GNG4: variants seen among roughly 807,000 people sequenced by gnomAD.
The protein encoded by GNG4 is guanine nucleotide-binding protein G(I)/G(S)/G(O) subunit gamma-4.
Under a neutral mutation model 5.8 loss-of-function variants are expected in GNG4, and 4 were observed. The observed-to-expected ratio is 0.69, with a 90% CI of 0.34 to 1.57. The LOEUF (loss-of-function observed/expected upper bound fraction) is 1.57. Among genes scored for constraint, GNG4 ranks in the 40% most tolerant of loss-of-function variants. The pLI is 0.06. For missense variants in GNG4, 96 were observed against 95.1 expected, an observed-to-expected ratio of 1.01 and a Z score of -0.04; for synonymous variants, 29 against 32.9, an observed-to-expected ratio of 0.88 and a Z score of 0.41.
At chr1:235,626,997 A>AAAAAAAG (rs1688829821) in intron 1 of GNG4, among the ~76,000 whole-genome samples, 3 of 135,534 alleles carry the variant, frequency 2.2e-5, no homozygotes, top group Admixed American at 7.5e-5. Context: ...AAAAAAAAAA[A>AAAAAAAG]AAGAACTTAG....
intron 1 of GNG4, among the ~76,000 whole-genome samples, chr1:235,619,722 CTGTTT>C (rs1688668403): frequency 6.6e-6 from 1 of 152,146 alleles, no homozygotes; most frequent in Non-Finnish European, 1.5e-5. Context: ...TTCATCTTTT[CTGTTT>C]TATTTTTCTA....
intron 1 of GNG4, among the ~76,000 whole-genome samples, chr1:235,634,193 C>T (rs1027064454): frequency 6.6e-6 from 1 of 152,190 alleles, no homozygotes; most frequent in Non-Finnish European, 1.5e-5. Context: ...AGTCAATGCC[C>T]TTGTGTCACG....
intron 1 of GNG4, among the ~76,000 whole-genome samples, chr1:235,622,048 G>T (rs7534170): frequency 0.036 from 5,420 of 152,208 alleles, 310 homozygotes; most frequent in African/African-American, 0.12. Context: ...AACTTATGTG[G>T]ACTGTAAATG....
intron 1 of GNG4, chr1:235,615,426 A>G (rs943594561): frequency 6.5e-6 from 1 of 154,910 alleles, no homozygotes; most frequent in Non-Finnish European, 1.5e-5. Context: ...GATCTCCTCT[A>G]TGTGACTGTC....
At chr1:235,620,463 G>T (rs991899685) in intron 1 of GNG4, among the ~76,000 whole-genome samples, 2 of 152,262 alleles carry the variant, frequency 1.3e-5, no homozygotes, top group Admixed American at 6.5e-5. Context: ...TCTCCTGACT[G>T]TAAGTTGCCG....
At position 235,619,931 on chromosome 1, in the gene GNG4, A is replaced by G. The variant is rs149774036; in HGVS notation, c.-122-24420T>C. Reference sequence around the variant, plus strand: ...GTTAGAGTTAGCAGGTTTCTTGTTTAGGAGAGGAGCTCAAAAATATAACCT... The same window carrying G: ...GTTAGAGTTAGCAGGTTTCTTGTTTGGGAGAGGAGCTCAAAAATATAACCT... On this transcript the variant is annotated intron_variant, in intron 1 of 3. Coordinates refer to ENST00000391854, the MANE Select transcript of GNG4 (RefSeq NM_001098722.2). Among the ~76,000 whole-genome samples the G allele has an allele frequency of 5.8e-4, 88 of 152,356 alleles. 2 individuals are homozygous for G. In the East Asian group the frequency reaches 0.015, roughly 26 times the overall value.
intron 3 of GNG4, among the ~76,000 whole-genome samples, chr1:235,554,271 A>C (rs1686835057): frequency 6.6e-6 from 1 of 152,040 alleles, no homozygotes. Flanking sequence ...TGGAGTGATG[A>C]CCTCCTTAGT....
At position 235,642,929 on chromosome 1, in the gene GNG4, A is replaced by G. The variant is rs1205872732; in HGVS notation, c.-123+6733T>C. On this transcript the variant is annotated intron_variant, in intron 1 of 3. Transcript: ENST00000391854. The surrounding 1 kb of genome is among the most constrained non-coding windows in gnomAD (Gnocchi z 4.3). ...AGCTTCATTCACAAAACCAGGTCAC[A>G]TTACCCCTCGTCCATCCATGCTCAG... is the stretch of plus-strand genomic sequence containing the variant. Among the ~76,000 whole-genome samples the G allele has an allele frequency of 6.6e-6, 1 of 151,912 alleles. No individual in the cohort carries two copies. Among genetic ancestry groups the G allele is most frequent in the African/African-American group, 2.4e-5 (1 of 41,344 alleles).
At chr1:235,609,283 G>A (rs1387389082) in intron 1 of GNG4, among the ~76,000 whole-genome samples, 2 of 152,146 alleles carry the variant, frequency 1.3e-5, no homozygotes, top group Non-Finnish European at 2.9e-5. Context: ...CATTTGGGCT[G>A]TTTCCATCTT....
intron 3 of GNG4, among the ~76,000 whole-genome samples, chr1:235,578,892 G>C (rs2102936844): frequency 6.6e-6 from 1 of 152,270 alleles, no homozygotes; most frequent in African/African-American, 2.4e-5. Context: ...GAGACCAGGA[G>C]TTTGAGACCA....
chr1:235,576,437 G>T (rs1687486887), intron 3 of GNG4, among the ~76,000 whole-genome samples: 1 of 152,112 alleles, frequency 6.6e-6, no homozygotes. Context: ...GGCTATGATG[G>T]TATTCTTTCC....
chr1:235,563,749 T>C lies in GNG4; in HGVS notation c.100-11512A>G, dbSNP rs572963974. Among the ~76,000 whole-genome samples the C allele has an allele frequency of 3.3e-4, 51 of 152,352 alleles. 1 individual carries two copies. The highest frequency in any genetic ancestry group is 3.4e-3 in the Middle Eastern group (1 of 294). ...CACACATGTGCCAGACTTTGGTGAA[T>C]GATCTGAGGGAAAAGACATTAGGAG... On this transcript the variant is annotated intron_variant, in intron 3 of 3. Transcript: ENST00000391854.
chr1:235,554,907 G>C (rs1686858559), intron 3 of GNG4, among the ~76,000 whole-genome samples: 1 of 149,424 alleles, frequency 6.7e-6, no homozygotes, highest in African/African-American at 2.5e-5. Flanking sequence ...CAGTTTTCTA[G>C]TTTTCACTTT....
chr1:235,559,427 CT>C (rs912678864), intron 3 of GNG4, among the ~76,000 whole-genome samples: 9 of 149,938 alleles, frequency 6.0e-5, no homozygotes, highest in Middle Eastern at 3.5e-3. Flanking sequence ...AACTCTTGTG[CT>C]TTTTTTTTTC....
At chr1:235,630,696 T>C (rs1688914215) in intron 1 of GNG4, among the ~76,000 whole-genome samples, 1 of 152,142 alleles carries the variant, frequency 6.6e-6, no homozygotes, top group African/African-American at 2.4e-5. Flanking sequence ...GCATGGCCTG[T>C]AGACTTGAGG....
chr1:235,631,018 C>T (rs889808343), intron 1 of GNG4, among the ~76,000 whole-genome samples: 5 of 152,036 alleles, frequency 3.3e-5, no homozygotes, highest in African/African-American at 9.7e-5. Flanking sequence ...CCTGCCTCAG[C>T]CTCCTAAGTA....
At chr1:235,621,017 C>T (rs1279149033) in intron 1 of GNG4, among the ~76,000 whole-genome samples, 1 of 152,096 alleles carries the variant, frequency 6.6e-6, no homozygotes, top group Non-Finnish European at 1.5e-5. Flanking sequence ...GGTGTCTGCT[C>T]CTTCTCACCT....
chr1:235,582,045 G>A (rs923968319), intron 3 of GNG4, among the ~76,000 whole-genome samples: 4 of 152,090 alleles, frequency 2.6e-5, no homozygotes, highest in South Asian at 2.1e-4. Context: ...GGATTCTAAC[G>A]TCTCTCTCCC....
intron 1 of GNG4, among the ~76,000 whole-genome samples, chr1:235,630,515 C>T (rs965363066): frequency 7.9e-5 from 12 of 152,170 alleles, no homozygotes; most frequent in East Asian, 7.7e-4. Flanking sequence ...GGAATTCTGA[C>T]GAAAGTACAC....
Sources: allele counts gnomAD v4.1 joint callset (sites outside exome capture counted in the v4.1 genomes callset), GRCh38; gene constraint gnomAD v4.1.1; non-coding constraint Gnocchi (gnomAD v3.1); transcripts MANE v1.5; gene names NCBI Gene and HGNC (gene_info 2026-07-23, HGNC 2026-07-21).